The following COMMD1 variants were observed in gnomAD, a reference collection of about 807,000 sequenced individuals.
COMMD1 encodes the protein copper metabolism domain containing 1.
In COMMD1, 10 loss-of-function variants were observed where a neutral mutation model predicts 17.2. That is an observed-to-expected ratio of 0.58 (90% confidence interval 0.36 to 0.99). COMMD1 has a LOEUF of 0.99. Among genes scored for constraint, COMMD1 ranks in the 50% least tolerant of loss-of-function variants. The pLI, the probability that COMMD1 is intolerant of heterozygous loss-of-function variation, is 0.01. For missense variants in COMMD1, 270 were observed against 231.8 expected (o/e 1.17, Z -1.07); for synonymous variants, 97 against 91.6 (o/e 1.06, Z -0.34).
At chr2:61,961,158 C>T (rs1158199757) in intron 1 of COMMD1, among the ~76,000 whole-genome samples, 1 of 152,218 alleles carries the variant, frequency 6.6e-6, no homozygotes, top group Non-Finnish European at 1.5e-5. Context: ...CAAATGATCT[C>T]TCAGCAAGGT....
At chr2:62,003,605 TACACACACAC>T (rs57628894) in intron 2 of COMMD1, among the ~76,000 whole-genome samples, 13,996 of 146,216 alleles carry the variant, frequency 0.096, 1,435 homozygotes, top group African/African-American at 0.26. Context: ...CAGATATTTT[TACACACACAC>T]ACACACACAC....
intron 1 of COMMD1, among the ~76,000 whole-genome samples, chr2:61,927,605 A>G (rs1670361667): frequency 6.6e-6 from 1 of 151,880 alleles, no homozygotes; most frequent in African/African-American, 2.4e-5. Context: ...TCACCATGTT[A>G]GCCAGGATGG....
At chr2:61,909,944 T>C (rs183291038) in intron 1 of COMMD1, among the ~76,000 whole-genome samples, 1 of 152,216 alleles carries the variant, frequency 6.6e-6, no homozygotes, top group Non-Finnish European at 1.5e-5. Context: ...CAAGGTGTTA[T>C]GTAGTGATTC....
At chr2:62,069,357 A>C (rs1205745252) in intron 2 of COMMD1, 1 of 152,218 alleles carries the variant, frequency 6.6e-6, no homozygotes, top group Non-Finnish European at 1.5e-5. Context: ...GAATAAGGAA[A>C]GAGGCAAATA....
intron 2 of COMMD1, among the ~76,000 whole-genome samples, chr2:62,086,981 G>A (rs1671689298): frequency 6.6e-6 from 1 of 151,898 alleles, no homozygotes; most frequent in Non-Finnish European, 1.5e-5. Context: ...GTGCCACCAT[G>A]CCTGGCTAAT....
intron 1 of COMMD1, among the ~76,000 whole-genome samples, chr2:61,938,043 A>G (rs776230697): frequency 2.0e-5 from 3 of 152,152 alleles, no homozygotes; most frequent in Non-Finnish European, 4.4e-5. Flanking sequence ...GATTGGGCCC[A>G]GTGGGATTGT....
intron 2 of COMMD1, among the ~76,000 whole-genome samples, chr2:62,111,818 C>T (rs1019344299): frequency 6.6e-6 from 1 of 152,076 alleles, no homozygotes; most frequent in Admixed American, 6.6e-5. Context: ...TTTTGAGCCC[C>T]AACAGTCCCA....
rs185550377 is a variant in COMMD1 at position 62,066,608 on chromosome 2, A to G, written c.462+65626A>G. 4.8e-3 allele frequency among the ~76,000 whole-genome samples: 722 copies of G among 150,114 alleles called. 6 individuals carry two copies. The highest frequency in any genetic ancestry group is 0.016 in the African/African-American group (668 of 40,800). On this transcript the variant is annotated intron_variant, in intron 2 of 2. Coordinates refer to ENST00000311832, the MANE Select transcript of COMMD1 (RefSeq NM_152516.4). ...AGTAGAGACAGGGTTTCACCATGTT[A>G]GCCAGGATGGTCTCCATCTCCTGAC...
intron 2 of COMMD1, among the ~76,000 whole-genome samples, chr2:62,007,326 G>C (rs760368288): frequency 6.6e-6 from 1 of 151,982 alleles, no homozygotes; most frequent in South Asian, 2.1e-4. Flanking sequence ...GATATTCACT[G>C]ACCATACATT....
rs749457119 is a variant in COMMD1 at position 62,135,885 on chromosome 2, A to C, written c.517A>C (p.Lys173Gln). The change falls in exon 3 of 3, where the codon AAG becomes CAG. Residue 173 changes from lysine (K) to glutamine (Q), a missense_variant. By Grantham distance (53) the Lys-to-Gln change is moderately conservative. Transcript: ENST00000311832. ...FDEVKVNQIL[K>Q]TLSEVEESIS... ...TGAGGTCAAAGTCAACCAAATTCTG[A>C]AGACGCTGTCAGAGGTAGAAGAAAG... is the stretch of plus-strand genomic sequence containing the variant. 1.9e-6 allele frequency: 3 copies of C among 1,606,266 alleles called. No homozygotes were observed. The highest frequency in any genetic ancestry group is 1.3e-5 in the African/African-American group (1 of 74,784).
chr2:61,937,402 C>G (rs1023648556), intron 1 of COMMD1, among the ~76,000 whole-genome samples: 1 of 152,154 alleles, frequency 6.6e-6, no homozygotes, highest in Non-Finnish European at 1.5e-5. Context: ...TTAATTTTGT[C>G]CCATAGTATT....
intron 2 of COMMD1, among the ~76,000 whole-genome samples, chr2:62,072,441 C>T (rs938960815): frequency 6.6e-6 from 1 of 152,148 alleles, no homozygotes; most frequent in Non-Finnish European, 1.5e-5. Context: ...TAGGGGTTAC[C>T]CACTTAAAGT....
chr2:61,973,402 G>A (rs920576939), intron 1 of COMMD1, among the ~76,000 whole-genome samples: 1 of 152,130 alleles, frequency 6.6e-6, no homozygotes, highest in African/African-American at 2.4e-5. Flanking sequence ...GTGAGGATGT[G>A]GAGAAACTGT....
intron 2 of COMMD1, among the ~76,000 whole-genome samples, chr2:62,071,671 T>A (rs909824791): frequency 3.3e-5 from 5 of 152,136 alleles, no homozygotes; most frequent in Non-Finnish European, 7.4e-5. Flanking sequence ...AAAAATAAAC[T>A]ATTATAAATC....
intron 1 of COMMD1, among the ~76,000 whole-genome samples, chr2:61,930,147 G>A (rs1244642558): frequency 6.6e-6 from 1 of 152,150 alleles, no homozygotes; most frequent in Non-Finnish European, 1.5e-5. Flanking sequence ...TGACTGCCAG[G>A]ACAGTCAGTC....
intron 1 of COMMD1, among the ~76,000 whole-genome samples, chr2:61,927,700 G>A (rs912665327): frequency 6.6e-6 from 1 of 151,726 alleles, no homozygotes; most frequent in African/African-American, 2.4e-5. Context: ...GCCTGGCTGG[G>A]TGACTCCATT....
At chr2:61,947,911 T>A (rs1670953943) in intron 1 of COMMD1, among the ~76,000 whole-genome samples, 1 of 151,946 alleles carries the variant, frequency 6.6e-6, no homozygotes, top group South Asian at 2.1e-4. Context: ...GAACAGAGAC[T>A]CAATTTGATT....
intron 1 of COMMD1, among the ~76,000 whole-genome samples, chr2:61,896,308 G>A (rs1472684370): frequency 6.6e-6 from 1 of 152,142 alleles, no homozygotes; most frequent in Non-Finnish European, 1.5e-5. Flanking sequence ...AAATCTGGCT[G>A]GGTGAGGTGG....
chr2:62,117,820 CT>C, intron 2 of COMMD1, among the ~76,000 whole-genome samples: 1 of 152,246 alleles, frequency 6.6e-6, no homozygotes, highest in Admixed American at 6.5e-5. Context: ...GCTGATTTTT[CT>C]TTAGTGGCTT....
Sources: gnomAD v4.1 joint callset for allele counts (sites outside exome capture counted in the v4.1 genomes callset) on GRCh38, gnomAD v4.1.1 for gene constraint, MANE v1.5 for transcripts, NCBI Gene and HGNC (gene_info 2026-07-23, HGNC 2026-07-21) for gene names.